Variants in HTT observed in about 807,000 individuals in gnomAD.
HTT encodes the protein huntington disease protein.
In HTT, 104 loss-of-function variants were observed where a neutral mutation model predicts 362.3. The observed-to-expected ratio is 0.29, with a 90% CI of 0.24 to 0.34. The LOEUF is 0.34. Ranked by LOEUF, HTT falls within the 10% of genes least tolerant of loss-of-function variation. The probability of loss-of-function intolerance (pLI) is 1.00; values close to 1 mark genes in which losing one functional copy is unlikely to be tolerated. For synonymous variants in HTT, 1,577 were observed against 1,548.7 expected (o/e 1.02, Z -0.43); for missense variants, 3,301 against 3,928.6 (o/e 0.84, Z 4.27).
In HTT at chr4:3,107,431, T is replaced by G; in HGVS notation, c.747+8T>G. 1 of 1,614,108 alleles carries G rather than the reference T, an allele frequency of 6.2e-7. No individual in the cohort carries two copies. The highest frequency in any genetic ancestry group is 8.5e-7 in the Non-Finnish European group (1 of 1,179,946). ...AATGACAATGAAATTAAGGTATGAT[T>G]GTTGCCTCAGGTCACAAACATGCGA... On this transcript the variant is annotated splice_region_variant and intron_variant, in intron 6 of 66. Transcript: ENST00000355072.
chr4:3,223,907 CA>C (rs1295797322), intron 55 of HTT, 84 bp from the exon 56 acceptor site: 2 of 1,455,366 alleles, frequency 1.4e-6, no homozygotes, highest in African/African-American at 2.8e-5. Flanking sequence ...TTCCTTTAGG[CA>C]AAGCGGAGGG....
At chr4:3,170,340 A>G (rs978793449) in intron 29 of HTT, among the ~76,000 whole-genome samples, 4 of 152,094 alleles carry the variant, frequency 2.6e-5, no homozygotes, top group Non-Finnish European at 5.9e-5. Flanking sequence ...ATAATTAGGT[A>G]CCATGCTTAG....
At chr4:3,079,621 C>T (rs1712780680) in intron 1 of HTT, among the ~76,000 whole-genome samples, 1 of 152,102 alleles carries the variant, frequency 6.6e-6, no homozygotes, top group Admixed American at 6.5e-5. Flanking sequence ...CAAGGGAGTG[C>T]CATATCAGAC....
chr4:3,190,257 G>A (rs377096562), intron 40 of HTT, among the ~76,000 whole-genome samples: 1 of 151,108 alleles, frequency 6.6e-6, no homozygotes, highest in East Asian at 1.9e-4. Flanking sequence ...TGAGGTGGGA[G>A]GATCTCTTGA....
intron 1 of HTT, among the ~76,000 whole-genome samples, chr4:3,078,683 C>T (rs1465891848): frequency 6.6e-6 from 1 of 152,082 alleles, no homozygotes; most frequent in East Asian, 1.9e-4. Context: ...ATTCTCATGC[C>T]TCAGCCTCCT....
At chr4:3,224,314 A>C (rs1455897739) in intron 56 of HTT, among the ~76,000 whole-genome samples, 183 bp downstream of exon 56, 5 of 152,176 alleles carry the variant, frequency 3.3e-5, no homozygotes, top group African/African-American at 1.2e-4. Context: ...AGGAAGTAAA[A>C]TCTGGAAATG....
chr4:3,121,393 G>C lies in HTT; in HGVS notation c.1234G>C (p.Gly412Arg), dbSNP rs773952851. 12 of 1,614,032 alleles carry C rather than the reference G, an allele frequency of 7.4e-6. No homozygotes were observed. The Admixed American group carries it at 8.3e-5, about 11-fold the overall frequency. ...GQLTAAKEESGGRSRSGSIVE... is the reference protein window; with the variant it reads ...GQLTAAKEESRGRSRSGSIVE... Reference sequence around the variant, plus strand: ...GCTCACCGCTGCTAAGGAGGAGTCTGGTGGCCGAAGCCGTAGTGGGAGTAT... The same window carrying C: ...GCTCACCGCTGCTAAGGAGGAGTCTCGTGGCCGAAGCCGTAGTGGGAGTAT... Residue 412 changes from glycine to arginine, a missense_variant, in exon 9 of 67, where the codon GGT (glycine) becomes CGT (arginine). By Grantham distance (125) the Gly-to-Arg change is moderately radical. Coordinates refer to ENST00000355072, the MANE Select transcript of HTT (RefSeq NM_001388492.1).
chr4:3,212,481 C>T (rs935710676), intron 48 of HTT, 83 bp from the exon 49 acceptor site: 38 of 1,500,760 alleles, frequency 2.5e-5, no homozygotes, highest in African/African-American at 4.1e-5. Context: ...TCATCAGATT[C>T]TCAGAGAATT....
In HTT at chr4:3,188,985, G is replaced by A. The variant is rs775447952; in HGVS notation, c.5260G>A (p.Asp1754Asn). ...LLQLVGILLE[D>N]IVTKQLKVEM... ...ACAACTGGTTGGTATTCTTTTAGAA[G>A]ACATTGTTACAAAACAGCTGAAGGT... The change falls in exon 40 of 67, where the codon GAC (aspartate) becomes AAC (asparagine). Residue 1754 changes from aspartate to asparagine, a missense_variant. Physicochemically the swap from Asp to Asn is conservative, Grantham distance 23. Transcript: ENST00000355072. 6.2e-7 allele frequency: 1 copy of A among 1,614,066 alleles called. No homozygotes were observed. Among genetic ancestry groups the A allele is most frequent in the Non-Finnish European group, 8.5e-7 (1 of 1,179,958 alleles).
At chr4:3,091,806 G>A (rs1226936231) in intron 2 of HTT, among the ~76,000 whole-genome samples, 1 of 152,168 alleles carries the variant, frequency 6.6e-6, no homozygotes, top group Non-Finnish European at 1.5e-5. Context: ...AGAATATTCA[G>A]ATTTTTGTCA....
chr4:3,236,892 C>T (rs188488719), intron 64 of HTT, among the ~76,000 whole-genome samples: 64 of 152,188 alleles, frequency 4.2e-4, no homozygotes, highest in African/African-American at 1.4e-3. Flanking sequence ...TCAGTCCTGG[C>T]GACATGGTGG....
chr4:3,182,515 C>T (rs533810843), intron 37 of HTT, 45 bp downstream of exon 37: 6 of 1,220,418 alleles, frequency 4.9e-6, no homozygotes, highest in African/African-American at 4.5e-5. Flanking sequence ...GTGATGGTAG[C>T]TTAAGGTCCT....
intron 6 of HTT, among the ~76,000 whole-genome samples, chr4:3,112,138 AT>A (rs1453621658): frequency 3.9e-5 from 6 of 152,238 alleles, no homozygotes; most frequent in Non-Finnish European, 7.4e-5. Flanking sequence ...TCTTTACATG[AT>A]TTTTGTGGGG....
In HTT at chr4:3,214,013, C is replaced by T. The variant is rs762725028; in HGVS notation, c.6830C>T (p.Ala2277Val). Reference protein sequence around the residue: ...EQIPLSLDLQAGLDCCCLALQ... With the variant: ...EQIPLSLDLQVGLDCCCLALQ... The stretch of plus-strand genomic sequence containing the variant: ...ATCCCGCTGAGTCTGGATCTCCAGG[C>T]AGGGCTGGACTGCTGCTGCCTGGCC... The change falls in exon 50 of 67, where the codon GCA becomes GTA. Residue 2277 changes from alanine (A) to valine (V), a missense_variant. Transcript: ENST00000355072. The T allele has an allele frequency of 6.2e-7, 1 of 1,605,346 alleles. No homozygotes were observed. The highest frequency in any genetic ancestry group is 2.3e-5 in the East Asian group (1 of 44,176).
intron 10 of HTT, among the ~76,000 whole-genome samples, chr4:3,123,647 G>A (rs562145172): frequency 1.1e-4 from 17 of 152,216 alleles, no homozygotes; most frequent in Admixed American, 1.0e-3. Context: ...CTGTAGTCAT[G>A]CCACTGCACT....
At chr4:3,231,261 A>C (rs1198586955) in intron 60 of HTT, among the ~76,000 whole-genome samples, 1 of 152,160 alleles carries the variant, frequency 6.6e-6, no homozygotes, top group Non-Finnish European at 1.5e-5. Flanking sequence ...GGTGGTGCCC[A>C]TCAGGGCCTG....
intron 25 of HTT, 100 bp from the exon 26 acceptor site, chr4:3,147,905 C>T (rs1438570238): frequency 1.7e-5 from 15 of 885,220 alleles, no homozygotes; most frequent in Non-Finnish European, 2.4e-5. Flanking sequence ...GATGTCTGGC[C>T]AACTCTCAAC....
At chr4:3,186,834 TTTGC>T in intron 38 of HTT, 115 bp downstream of exon 38, 1 of 779,828 alleles carries the variant, frequency 1.3e-6, no homozygotes, top group East Asian at 3.4e-5. Flanking sequence ...TTCTTGAGAG[TTTGC>T]TTTTTTTTTT....
intron 38 of HTT, among the ~76,000 whole-genome samples, chr4:3,186,932 C>T (rs1718791718): frequency 6.7e-6 from 1 of 149,002 alleles, no homozygotes; most frequent in Non-Finnish European, 1.5e-5. Context: ...GATCTCGGCT[C>T]ACTGCAAGCT....
Sources: gnomAD v4.1 joint callset for allele counts (sites outside exome capture counted in the v4.1 genomes callset) on GRCh38, gnomAD v4.1.1 for gene constraint, MANE v1.5 for transcripts, NCBI Gene and HGNC (gene_info 2026-07-23, HGNC 2026-07-21) for gene names.